The following MCF2L2 variants were observed in gnomAD, a reference collection of about 807,000 sequenced individuals.
The protein encoded by MCF2L2 is probable guanine nucleotide exchange factor MCF2L2.
In MCF2L2, 102 loss-of-function variants were observed where a neutral mutation model predicts 150.2. The observed-to-expected ratio is 0.68, with a 90% confidence interval of 0.58 to 0.80. The LOEUF (loss-of-function observed/expected upper bound fraction) is 0.80. MCF2L2 is among the 30% of genes least tolerant of loss of function. The pLI, the probability that MCF2L2 is intolerant of heterozygous loss-of-function variation, is 0.00. For missense variants in MCF2L2, 1,256 were observed against 1,372.8 expected (o/e 0.91, Z 1.34); for synonymous variants, 465 against 491.3 (o/e 0.95, Z 0.71).
intron 10 of MCF2L2, among the ~76,000 whole-genome samples, chr3:183,307,920 C>A (rs1729177703): frequency 6.6e-6 from 1 of 152,224 alleles, no homozygotes. Flanking sequence ...GACCTTTGCA[C>A]CTGCAGCTCG....
intron 1 of MCF2L2, among the ~76,000 whole-genome samples, chr3:183,402,589 C>A (rs1291026345): frequency 6.6e-6 from 1 of 151,330 alleles, no homozygotes; most frequent in Non-Finnish European, 1.5e-5. Flanking sequence ...TCGCTTTAGC[C>A]CAGGAGTTCG....
chr3:183,239,837 C>T (rs1576949857), intron 15 of MCF2L2, among the ~76,000 whole-genome samples: 4 of 152,182 alleles, frequency 2.6e-5, no homozygotes, highest in Admixed American at 2.6e-4. Flanking sequence ...CCTCCTAGAC[C>T]TTTGGTCACT....
intron 1 of MCF2L2, among the ~76,000 whole-genome samples, chr3:183,392,607 G>A (rs1055371047): frequency 6.6e-6 from 1 of 152,196 alleles, no homozygotes; most frequent in Non-Finnish European, 1.5e-5. Flanking sequence ...GGTTATCCTT[G>A]AAGTCTTCCT....
At chr3:183,192,255 C>G (rs1183837310) in intron 27 of MCF2L2, among the ~76,000 whole-genome samples, 1 of 152,114 alleles carries the variant, frequency 6.6e-6, no homozygotes, top group Admixed American at 6.6e-5. Context: ...TTCTCTGCCT[C>G]AAACTCCGGA....
chr3:183,281,674 C>CTG (rs1727490812), intron 14 of MCF2L2, among the ~76,000 whole-genome samples: 1 of 152,044 alleles, frequency 6.6e-6, no homozygotes, highest in Non-Finnish European at 1.5e-5. Context: ...TACCTTTAGT[C>CTG]CAGATCAGCT....
rs774640716 is a variant in MCF2L2, at chr3:183,341,580, T to C, written c.326A>G (p.Asp109Gly). 1 of 1,614,108 alleles carries C rather than the reference T, an allele frequency of 6.2e-7. No individual in the cohort carries two copies. Among genetic ancestry groups the C allele is most frequent in the Non-Finnish European group, 8.5e-7 (1 of 1,179,950 alleles). The change falls in exon 4 of 30, where the codon GAC (aspartate) becomes GGC (glycine). Residue 109 changes from aspartate to glycine, a missense_variant. Coordinates refer to ENST00000328913, the MANE Select transcript of MCF2L2 (RefSeq NM_015078.4). ...GFIVVIDRRR[D>G]KWSSVKASLT... Reference sequence around the variant, plus strand: ...GGATGCCTTTACGGAGCTCCACTTGTCTCTTCGTCTGTCGATAACAACAAT... The same window carrying C: ...GGATGCCTTTACGGAGCTCCACTTGCCTCTTCGTCTGTCGATAACAACAAT...
intron 6 of MCF2L2, among the ~76,000 whole-genome samples, chr3:183,319,393 G>T (rs1259294208): frequency 6.6e-6 from 1 of 152,130 alleles, no homozygotes; most frequent in Non-Finnish European, 1.5e-5. Flanking sequence ...CATCCATGAG[G>T]GTGGGAATCA....
chr3:183,285,478 C>T (rs923024607), intron 14 of MCF2L2, among the ~76,000 whole-genome samples: 1 of 152,188 alleles, frequency 6.6e-6, no homozygotes, highest in Non-Finnish European at 1.5e-5. Context: ...GAAACTCAAC[C>T]TCTGAGTCTC....
At chr3:183,359,230 G>A (rs1412897229) in intron 3 of MCF2L2, among the ~76,000 whole-genome samples, 1 of 152,174 alleles carries the variant, frequency 6.6e-6, no homozygotes, top group Non-Finnish European at 1.5e-5. Flanking sequence ...GAATAACTGT[G>A]CTGGGATGTG....
At chr3:183,271,001 T>C in intron 15 of MCF2L2, 1 of 1,414,150 alleles carries the variant, frequency 7.1e-7, no homozygotes, top group Non-Finnish European at 9.6e-7. Flanking sequence ...AACCTTTAAA[T>C]GTTCGTCTAT....
At chr3:183,203,584 C>T (rs1418808586) in intron 25 of MCF2L2, among the ~76,000 whole-genome samples, 1 of 152,164 alleles carries the variant, frequency 6.6e-6, no homozygotes, top group Non-Finnish European at 1.5e-5. Flanking sequence ...AATAGAGCCT[C>T]AGAGACTGTG....
intron 2 of MCF2L2, among the ~76,000 whole-genome samples, chr3:183,382,647 C>T (rs953482051): frequency 6.6e-6 from 1 of 152,180 alleles, no homozygotes; most frequent in African/African-American, 2.4e-5. Flanking sequence ...AAGTCCAGTG[C>T]ATTCCTTGAA....
chr3:183,250,694 C>T (rs1394114936), intron 15 of MCF2L2, among the ~76,000 whole-genome samples: 1 of 151,864 alleles, frequency 6.6e-6, no homozygotes, highest in Non-Finnish European at 1.5e-5. Context: ...AGGAAGGCTG[C>T]GTGTGGTGGG....
chr3:183,190,737 G>GGGCA (rs1721855531), intron 27 of MCF2L2, among the ~76,000 whole-genome samples: 1 of 152,226 alleles, frequency 6.6e-6, no homozygotes. Flanking sequence ...ACTGCCTGAA[G>GGGCA]GGCACAACGG....
intron 25 of MCF2L2, among the ~76,000 whole-genome samples, chr3:183,204,046 T>C (rs1012441740): frequency 6.6e-6 from 1 of 152,174 alleles, no homozygotes; most frequent in African/African-American, 2.4e-5. Flanking sequence ...AATCAATGGT[T>C]CTAGGACAAT....
intron 1 of MCF2L2, among the ~76,000 whole-genome samples, chr3:183,412,301 T>C (rs1211652790): frequency 2.0e-5 from 3 of 152,074 alleles, no homozygotes; most frequent in African/African-American, 7.2e-5. Context: ...GTTGTTGTTG[T>C]TGTTGTTGTT....
At chr3:183,231,114 G>T (rs1365722986) in intron 15 of MCF2L2, 97 bp from the exon 16 acceptor site, 6 of 943,834 alleles carry the variant, frequency 6.4e-6, no homozygotes, top group Non-Finnish European at 1.0e-5. Context: ...CATCAATACA[G>T]TTCCCTTTTA....
chr3:183,193,196 T>C (rs1721960462), intron 26 of MCF2L2, 100 bp from the exon 27 acceptor site: 4 of 970,674 alleles, frequency 4.1e-6, no homozygotes, highest in East Asian at 2.4e-5. Context: ...AGTGTATCTC[T>C]GGTCTAGGTC....
At position 183,390,217 on chromosome 3, in the gene MCF2L2, G is replaced by C. The variant is rs1424717433; in HGVS notation, c.77-438C>G. On this transcript the variant is annotated intron_variant, in intron 1 of 29. Coordinates refer to ENST00000328913, the MANE Select transcript of MCF2L2 (RefSeq NM_015078.4). ...ATAAAATCAATCTGGGATTCATGAG[G>C]GTTCTTTAATTTTTATTTTCCTCCC... is the stretch of plus-strand genomic sequence containing the variant. Among the ~76,000 whole-genome samples the C allele has an allele frequency of 2.0e-5, 3 of 151,958 alleles. No homozygotes were observed. In the East Asian group the frequency reaches 5.8e-4, roughly 29 times the overall value.
Sources: allele counts gnomAD v4.1 joint callset (sites outside exome capture counted in the v4.1 genomes callset), GRCh38; gene constraint gnomAD v4.1.1; transcripts MANE v1.5; gene names NCBI Gene and HGNC (gene_info 2026-07-23, HGNC 2026-07-21).